The following AFF3 variants were observed in gnomAD, a reference collection of about 807,000 sequenced individuals.
AFF3 encodes ALF transcription elongation factor 3, also known as AF4/FMR2 family member 3.
Under a neutral mutation model 129.7 loss-of-function variants are expected in AFF3, and 32 were observed. The ratio of observed to expected loss-of-function variants is 0.25; its 90% confidence interval spans 0.19 to 0.33. The LOEUF is 0.33. Ranked by LOEUF, AFF3 falls within the 10% of genes least tolerant of loss-of-function variation. AFF3 has a pLI of 1.00. For missense variants in AFF3, 1,373 were observed against 1,592.0 expected, an observed-to-expected ratio of 0.86 and a Z score of 2.34; for synonymous variants, 644 against 635.4, an observed-to-expected ratio of 1.01 and a Z score of -0.20.
chr2:100,087,871 ATAGAT>A (rs1242547465), intron 4 of AFF3, among the ~76,000 whole-genome samples: 1 of 147,698 alleles, frequency 6.8e-6, no homozygotes, highest in East Asian at 1.9e-4. Flanking sequence ...AAGTATATTA[ATAGAT>A]TAAAGTATAT....
chr2:99,750,918 T>G (rs1681593914), intron 9 of AFF3, among the ~76,000 whole-genome samples: 1 of 152,228 alleles, frequency 6.6e-6, no homozygotes, highest in Non-Finnish European at 1.5e-5. Context: ...CAAAATATTT[T>G]GCTGCTGTTT....
intron 13 of AFF3, among the ~76,000 whole-genome samples, chr2:99,630,066 C>T (rs1682985049): frequency 6.6e-6 from 1 of 152,228 alleles, no homozygotes; most frequent in Non-Finnish European, 1.5e-5. Context: ...CAAGTGTCCC[C>T]ACACCTCAGA....
chr2:99,587,295 T>C lies in AFF3; in HGVS notation c.2467-17A>G, dbSNP rs965577741. ...GTTGTCACACTGTATGGGAATAAAC[T>C]AAAGTCAATCAGCACTGGATTTCAA... On this transcript the variant is annotated splice_polypyrimidine_tract_variant and intron_variant, in intron 15 of 24. Transcript: ENST00000672756. The C allele has an allele frequency of 6.2e-7, 1 of 1,613,800 alleles. No individual in the cohort carries two copies. The highest frequency in any genetic ancestry group is 8.5e-7 in the Non-Finnish European group (1 of 1,179,848).
chr2:99,560,162 C>T (rs914708728), intron 21 of AFF3, among the ~76,000 whole-genome samples: 1 of 152,242 alleles, frequency 6.6e-6, no homozygotes, highest in Non-Finnish European at 1.5e-5. Context: ...TTTGGTAGGC[C>T]TGTCGATTTT....
intron 11 of AFF3, among the ~76,000 whole-genome samples, chr2:99,675,626 T>A (rs1241638092): frequency 6.6e-6 from 1 of 152,184 alleles, no homozygotes; most frequent in Non-Finnish European, 1.5e-5. Context: ...CATATCCAAG[T>A]GGCCTCTTAG....
intron 7 of AFF3, among the ~76,000 whole-genome samples, chr2:99,880,009 C>G (rs1046782590): frequency 1.3e-5 from 2 of 152,092 alleles, no homozygotes; most frequent in Non-Finnish European, 2.9e-5. Flanking sequence ...GCTAATGAAG[C>G]CAGACCAATA....
intron 10 of AFF3, among the ~76,000 whole-genome samples, chr2:99,735,467 T>C (rs947531837): frequency 6.6e-6 from 1 of 152,130 alleles, no homozygotes; most frequent in Non-Finnish European, 1.5e-5. Flanking sequence ...GCTTAGTTCA[T>C]TAATTTTTTG....
chr2:100,011,389 C>A, intron 4 of AFF3: 1 of 760,582 alleles, frequency 1.3e-6, no homozygotes, highest in Non-Finnish European at 2.4e-6. Context: ...ACCAGACACA[C>A]AAGACTGGTG....
intron 8 of AFF3, among the ~76,000 whole-genome samples, chr2:99,757,620 T>C (rs1682230223): frequency 6.6e-6 from 1 of 152,188 alleles, no homozygotes. Flanking sequence ...TTGCTGAAGT[T>C]CACCCAGCAG....
intron 7 of AFF3, among the ~76,000 whole-genome samples, chr2:100,001,042 C>T (rs1321565550): frequency 6.6e-6 from 1 of 152,202 alleles, no homozygotes; most frequent in Non-Finnish European, 1.5e-5. Flanking sequence ...CTTGAGCAGC[C>T]CCAGGTGCGG....
intron 11 of AFF3, among the ~76,000 whole-genome samples, chr2:99,726,873 G>A (rs549757105): frequency 8.9e-4 from 136 of 152,298 alleles, no homozygotes; most frequent in African/African-American, 3.1e-3. Context: ...AGAAGCATTT[G>A]CATTTTTCAA....
rs1679140266 is a variant in AFF3, at chr2:99,978,922, C to T, written c.873+27710G>A. The stretch of plus-strand genomic sequence containing the variant: ...TTATTGTTTACACATCACACATACT[C>T]AGTGTATGGTATTTTTGTTACAGCA... On this transcript the variant is annotated intron_variant, in intron 7 of 24. Transcript: ENST00000672756. 2.7e-5 allele frequency among the ~76,000 whole-genome samples: 4 copies of T among 150,552 alleles called. No individual in the cohort carries two copies. The South Asian group carries it at 8.4e-4, about 32-fold the overall frequency.
At chr2:99,906,773 G>T (rs1004315124) in intron 7 of AFF3, among the ~76,000 whole-genome samples, 5 of 151,766 alleles carry the variant, frequency 3.3e-5, no homozygotes, top group Non-Finnish European at 7.4e-5. Flanking sequence ...TTTTGGACTT[G>T]CCTGCTAGCC....
At chr2:99,782,983 T>C (rs1369881451) in intron 8 of AFF3, among the ~76,000 whole-genome samples, 2 of 152,242 alleles carry the variant, frequency 1.3e-5, no homozygotes, top group Non-Finnish European at 2.9e-5. Context: ...CTAGGGCTTC[T>C]GAGAATTTTA....
chr2:99,861,647 T>C (rs1691007877), intron 7 of AFF3, among the ~76,000 whole-genome samples: 1 of 152,202 alleles, frequency 6.6e-6, no homozygotes, highest in South Asian at 2.1e-4. Context: ...TTTTCTTATC[T>C]TGAAACGCAT....
At chr2:99,641,049 T>G (rs1410616380) in intron 13 of AFF3, among the ~76,000 whole-genome samples, 1 of 152,212 alleles carries the variant, frequency 6.6e-6, no homozygotes, top group African/African-American at 2.4e-5. Flanking sequence ...TGCCACTCCC[T>G]GTCCACCCTG....
intron 13 of AFF3, among the ~76,000 whole-genome samples, chr2:99,636,994 CA>C (rs1274000297): frequency 6.6e-6 from 1 of 152,036 alleles, no homozygotes; most frequent in Non-Finnish European, 1.5e-5. Flanking sequence ...TGGTGTGCTC[CA>C]GCTGGCTCTG....
intron 11 of AFF3, among the ~76,000 whole-genome samples, chr2:99,692,090 G>C (rs1475939747): frequency 6.6e-6 from 1 of 152,204 alleles, no homozygotes; most frequent in East Asian, 1.9e-4. Context: ...GAGCCCGTGG[G>C]TGTGGCGAGG....
At chr2:99,666,866 G>A (rs1686719383) in intron 12 of AFF3, among the ~76,000 whole-genome samples, 1 of 152,084 alleles carries the variant, frequency 6.6e-6, no homozygotes, top group Admixed American at 6.5e-5. Flanking sequence ...AATCCTAAAT[G>A]TACACACACC....
Sources: gnomAD v4.1 joint callset for allele counts (sites outside exome capture counted in the v4.1 genomes callset) on GRCh38, gnomAD v4.1.1 for gene constraint, MANE v1.5 for transcripts, NCBI Gene and HGNC (gene_info 2026-07-23, HGNC 2026-07-21) for gene names.